The following XKR4 variants were observed in gnomAD, a reference collection of about 807,000 sequenced individuals.
XKR4 encodes XK related 4, also known as XK-related protein 4.
Under a neutral mutation model 53.9 loss-of-function variants are expected in XKR4, and 12 were observed. The observed-to-expected ratio is 0.22, with a 90% CI of 0.14 to 0.36. XKR4 has a LOEUF of 0.36. XKR4 is among the 10% of genes least tolerant of loss of function. XKR4 has a pLI of 1.00. For synonymous variants in XKR4, 354 were observed against 362.4 expected (o/e 0.98, Z 0.26); for missense variants, 799 against 859.5 (o/e 0.93, Z 0.88).
chr8:55,347,992 G>T (rs1457887733), intron 1 of XKR4, among the ~76,000 whole-genome samples: 1 of 152,054 alleles, frequency 6.6e-6, no homozygotes, highest in Non-Finnish European at 1.5e-5. Flanking sequence ...AAACCTTAGT[G>T]AGCCCCAACC....
At chr8:55,331,013 G>C (rs1275239245) in intron 1 of XKR4, among the ~76,000 whole-genome samples, 1 of 151,972 alleles carries the variant, frequency 6.6e-6, no homozygotes, top group Non-Finnish European at 1.5e-5. Context: ...CAAGTATACA[G>C]TTCAGTGCTA....
chr8:55,428,298 A>G (rs1328543485), intron 2 of XKR4, among the ~76,000 whole-genome samples: 1 of 152,136 alleles, frequency 6.6e-6, no homozygotes, highest in Non-Finnish European at 1.5e-5. Context: ...TTTTTGCCTC[A>G]TATGTTTCAG....
At chr8:55,297,973 T>G (rs1819123895) in intron 1 of XKR4, among the ~76,000 whole-genome samples, 3 of 152,216 alleles carry the variant, frequency 2.0e-5, no homozygotes, top group Non-Finnish European at 2.9e-5. Context: ...CATCATCCAA[T>G]TATAATATTA....
intron 1 of XKR4, among the ~76,000 whole-genome samples, chr8:55,320,566 A>G (rs2129379374): frequency 6.6e-6 from 1 of 152,292 alleles, no homozygotes; most frequent in South Asian, 2.1e-4. Flanking sequence ...ACAAAAGTAG[A>G]AATGTTTTAT....
In XKR4 at chr8:55,195,542, T is replaced by A. The variant is rs141458762; in HGVS notation, c.806+92248T>A. Among the ~76,000 whole-genome samples the A allele has an allele frequency of 2.1e-3, 324 of 151,910 alleles. 1 individual carries two copies. The highest frequency in any genetic ancestry group is 7.3e-3 in the African/African-American group (303 of 41,478). On this transcript the variant is annotated intron_variant, in intron 1 of 2. Transcript: ENST00000327381. ...TGGAAATAAAAACTCAAGGAGAAAA[T>A]GGAGTTATAAAAAATATCTAGTTTT...
intron 2 of XKR4, among the ~76,000 whole-genome samples, chr8:55,423,103 T>TG (rs941046925): frequency 1.3e-5 from 2 of 151,834 alleles, no homozygotes; most frequent in African/African-American, 4.8e-5. Context: ...CTTGACACTT[T>TG]TTTTTTTTTT....
intron 2 of XKR4, among the ~76,000 whole-genome samples, chr8:55,481,675 C>T (rs1002679640): frequency 1.6e-3 from 239 of 151,968 alleles, no homozygotes; most frequent in African/African-American, 5.4e-3. Flanking sequence ...CCAGAATCTA[C>T]AATGAACTCA....
rs1563374623 is a variant in XKR4 at position 55,529,964 on chromosome 8, T to G, written c.*5737T>G. 1 of 152,332 alleles carries G rather than the reference T, an allele frequency of 6.6e-6. No homozygotes were observed. Among genetic ancestry groups the G allele is most frequent in the Middle Eastern group, 3.4e-3 (1 of 294 alleles). 9.4% of individuals were successfully genotyped at this position (152,332 alleles called of 1,614,324 possible). A position where few individuals can be genotyped will look rare whatever the true frequency, so the allele number is the denominator to read the frequency against. On this transcript the variant is annotated 3_prime_UTR_variant, in exon 3 of 3. Coordinates refer to ENST00000327381, the MANE Select transcript of XKR4 (RefSeq NM_052898.2). The stretch of plus-strand genomic sequence containing the variant: ...CCCCCTCCTATGGCTCCACTATGTA[T>G]TCAATTAAGTGATAAATATAAATTA...
At chr8:55,361,268 G>A (rs1357142663) in intron 2 of XKR4, among the ~76,000 whole-genome samples, 1 of 152,130 alleles carries the variant, frequency 6.6e-6, no homozygotes, top group East Asian at 1.9e-4. Flanking sequence ...GAGGCGGAGA[G>A]GGGAGAGGGA....
At position 55,262,534 on chromosome 8, in the gene XKR4, C is replaced by T. The variant is rs547728517; in HGVS notation, c.807-95144C>T. Among the ~76,000 whole-genome samples, 5 of 152,248 alleles carry T rather than the reference C, an allele frequency of 3.3e-5. No individual in the cohort carries two copies. In the South Asian group the frequency reaches 6.2e-4, roughly 19 times the overall value. ...GGATTAGTGTCCTTAAAGAAGATAA[C>T]GGAAAGATCAGAGCTTTCTCTCACA... On this transcript the variant is annotated intron_variant, in intron 1 of 2. Transcript: ENST00000327381.
At chr8:55,515,122 A>G (rs530092683) in intron 2 of XKR4, among the ~76,000 whole-genome samples, 43 of 152,290 alleles carry the variant, frequency 2.8e-4, no homozygotes, top group Non-Finnish European at 5.1e-4. Context: ...TTTAATTTCA[A>G]TTCGTTGTTT....
chr8:55,330,365 C>T (rs1236226763), intron 1 of XKR4, among the ~76,000 whole-genome samples: 1 of 152,080 alleles, frequency 6.6e-6, no homozygotes, highest in Non-Finnish European at 1.5e-5. Context: ...ATTATCTCTA[C>T]CCCAGTAGCA....
intron 2 of XKR4, among the ~76,000 whole-genome samples, chr8:55,435,550 C>A (rs371327920): frequency 2.7e-5 from 4 of 150,438 alleles, no homozygotes; most frequent in South Asian, 4.2e-4. Context: ...AATAGGCAAC[C>A]TCTTTTTTTT....
intron 2 of XKR4, among the ~76,000 whole-genome samples, chr8:55,403,031 C>T (rs999812767): frequency 6.6e-6 from 1 of 152,194 alleles, no homozygotes; most frequent in Non-Finnish European, 1.5e-5. Context: ...CTCTTCACAG[C>T]CACAGGAGGC....
At chr8:55,302,744 T>A (rs1053413252) in intron 1 of XKR4, among the ~76,000 whole-genome samples, 3 of 152,196 alleles carry the variant, frequency 2.0e-5, no homozygotes, top group African/African-American at 7.2e-5. Context: ...AGGTATTTTA[T>A]TCTCTTTGAA....
intron 2 of XKR4, among the ~76,000 whole-genome samples, chr8:55,482,097 G>A (rs1048241419): frequency 9.2e-4 from 140 of 152,124 alleles, no homozygotes; most frequent in African/African-American, 3.3e-3. Flanking sequence ...ACATGCACAC[G>A]TATGTTTATT....
chr8:55,205,744 C>T (rs1295020278), intron 1 of XKR4, among the ~76,000 whole-genome samples: 1 of 152,178 alleles, frequency 6.6e-6, no homozygotes, highest in Non-Finnish European at 1.5e-5. Flanking sequence ...TTCTCTGGAG[C>T]ATCTCATGAT....
intron 2 of XKR4, chr8:55,450,183 G>C (rs1225479608): frequency 6.0e-6 from 4 of 665,984 alleles, no homozygotes; most frequent in Admixed American, 1.9e-5. Flanking sequence ...CTCGGGGGCA[G>C]CTGTGGTAGC....
intron 1 of XKR4, among the ~76,000 whole-genome samples, chr8:55,190,633 A>T (rs1817433370): frequency 6.6e-6 from 1 of 152,208 alleles, no homozygotes; most frequent in Non-Finnish European, 1.5e-5. Flanking sequence ...GTGGGCTTAG[A>T]TAAAAATAAG....
Sources: gnomAD v4.1 joint callset for allele counts (sites outside exome capture counted in the v4.1 genomes callset) on GRCh38, gnomAD v4.1.1 for gene constraint, MANE v1.5 for transcripts, NCBI Gene and HGNC (gene_info 2026-07-23, HGNC 2026-07-21) for gene names.